Variants in MAPK10 observed in about 807,000 individuals in gnomAD.
MAPK10 encodes JNK3 alpha protein kinase.
A neutral mutation model predicts 59.3 loss-of-function variants in MAPK10; 25 were observed. That is an observed-to-expected ratio of 0.42 (90% CI 0.31 to 0.59). MAPK10 has a LOEUF of 0.59. Ranked by LOEUF, MAPK10 falls within the 20% of genes least tolerant of loss-of-function variation. The pLI, the probability that MAPK10 is intolerant of heterozygous loss-of-function variation, is 0.15. For missense variants in MAPK10, 351 were observed against 568.9 expected, an observed-to-expected ratio of 0.62 and a Z score of 3.90; for synonymous variants, 190 against 200.5, an observed-to-expected ratio of 0.95 and a Z score of 0.44.
At chr4:86,221,995 A>G (rs1275928583) in intron 2 of MAPK10, among the ~76,000 whole-genome samples, 1 of 151,930 alleles carries the variant, frequency 6.6e-6, no homozygotes, top group Admixed American at 6.6e-5. Context: ...CCTCCTTGAG[A>G]TCTGGTTCTT....
intron 2 of MAPK10, among the ~76,000 whole-genome samples, chr4:86,208,485 T>A (rs28826941): frequency 0.25 from 36,339 of 143,382 alleles, 7,056 homozygotes; most frequent in African/African-American, 0.54. Flanking sequence ...CCAAAGACAA[T>A]AACCACATGA....
chr4:86,536,385 C>G (rs1398539588), intron 1 of MAPK10, among the ~76,000 whole-genome samples: 1 of 152,162 alleles, frequency 6.6e-6, no homozygotes, highest in East Asian at 1.9e-4. Flanking sequence ...TATAACAGAA[C>G]AATCCTCCAC....
At chr4:86,143,690 G>A (rs1298914529) in intron 4 of MAPK10, among the ~76,000 whole-genome samples, 1 of 152,138 alleles carries the variant, frequency 6.6e-6, no homozygotes, top group African/African-American at 2.4e-5. Context: ...ACAGTATCTG[G>A]AACATATTAA....
intron 2 of MAPK10, among the ~76,000 whole-genome samples, chr4:86,316,339 C>T (rs1414823104): frequency 6.6e-6 from 1 of 151,896 alleles, no homozygotes; most frequent in East Asian, 1.9e-4. Context: ...TAAAATTGAC[C>T]AAACAACTTA....
intron 2 of MAPK10, among the ~76,000 whole-genome samples, chr4:86,252,156 T>G (rs1273008503): frequency 1.6e-5 from 2 of 125,590 alleles, no homozygotes; most frequent in Non-Finnish European, 3.1e-5. Context: ...TCTTTTGCTG[T>G]GCAGAAGTTC....
intron 1 of MAPK10, among the ~76,000 whole-genome samples, chr4:86,465,850 C>T (rs187367741): frequency 2.6e-5 from 4 of 152,208 alleles, no homozygotes; most frequent in Admixed American, 1.3e-4. Context: ...CAGCACCTGT[C>T]GAACACAGCC....
intron 4 of MAPK10, among the ~76,000 whole-genome samples, chr4:86,139,403 GA>G (rs1268857422): frequency 6.7e-6 from 1 of 150,306 alleles, no homozygotes; most frequent in Admixed American, 6.6e-5. Flanking sequence ...TCTGATCTTT[GA>G]CAAACCTGAG....
intron 11 of MAPK10, among the ~76,000 whole-genome samples, chr4:86,056,772 A>G (rs971758092): frequency 5.4e-5 from 8 of 149,480 alleles, no homozygotes; most frequent in Admixed American, 5.3e-4. Context: ...TAAAATATAA[A>G]TTAAATATTT....
At chr4:86,310,385 C>T (rs545894722) in intron 2 of MAPK10, among the ~76,000 whole-genome samples, 21 of 152,268 alleles carry the variant, frequency 1.4e-4, no homozygotes, top group African/African-American at 5.1e-4. Flanking sequence ...TTAGTAACAT[C>T]ATTCTAAGTG....
intron 3 of MAPK10, among the ~76,000 whole-genome samples, chr4:86,186,119 T>G (rs1433109272): frequency 6.6e-6 from 1 of 152,166 alleles, no homozygotes; most frequent in Non-Finnish European, 1.5e-5. Context: ...CTGCTCTCAG[T>G]GCTTTGCAAG....
intron 2 of MAPK10, among the ~76,000 whole-genome samples, chr4:86,209,123 A>T (rs2085054647): frequency 6.6e-6 from 1 of 152,108 alleles, no homozygotes; most frequent in African/African-American, 2.4e-5. Flanking sequence ...GATCGTGTTC[A>T]TTATATCTCA....
chr4:86,201,767 A>G (rs1469866268), intron 2 of MAPK10, among the ~76,000 whole-genome samples: 1 of 151,686 alleles, frequency 6.6e-6, no homozygotes, highest in Non-Finnish European at 1.5e-5. Flanking sequence ...CCCCAGGTTC[A>G]CAGAGATATT....
At chr4:86,040,324 C>T (rs2041254626) in intron 11 of MAPK10, among the ~76,000 whole-genome samples, 1 of 151,742 alleles carries the variant, frequency 6.6e-6, no homozygotes, top group South Asian at 2.1e-4. Flanking sequence ...AATTATTTTT[C>T]AAAGACAAAG....
chr4:86,497,700 G>C (rs1754976759), intron 1 of MAPK10, among the ~76,000 whole-genome samples: 1 of 152,112 alleles, frequency 6.6e-6, no homozygotes, highest in African/African-American at 2.4e-5. Context: ...AGAAAGCCCT[G>C]GTTTGTAGTT....
At chr4:86,476,318 G>C (rs1753085806) in intron 1 of MAPK10, among the ~76,000 whole-genome samples, 2 of 152,054 alleles carry the variant, frequency 1.3e-5, no homozygotes, top group Non-Finnish European at 2.9e-5. Context: ...CTTCCACCCA[G>C]TCCAGCTTAC....
chr4:86,256,089 C>T (rs554621807), intron 2 of MAPK10, among the ~76,000 whole-genome samples: 2 of 152,278 alleles, frequency 1.3e-5, no homozygotes, highest in Admixed American at 6.5e-5. Flanking sequence ...CATTTAGGAA[C>T]CTCATTTATA....
chr4:86,384,825 G>T (rs1242968266), intron 1 of MAPK10, among the ~76,000 whole-genome samples: 4 of 152,050 alleles, frequency 2.6e-5, no homozygotes, highest in Non-Finnish European at 5.9e-5. Flanking sequence ...AAATTAAGTA[G>T]TACACAGCTA....
At chr4:86,410,332 T>C (rs1286708281) in intron 1 of MAPK10, among the ~76,000 whole-genome samples, 1 of 152,244 alleles carries the variant, frequency 6.6e-6, no homozygotes, top group Non-Finnish European at 1.5e-5. Context: ...TTTGCATCAA[T>C]GTTCATCAGG....
chr4:86,436,578 A>G (rs1663262640), intron 1 of MAPK10, among the ~76,000 whole-genome samples: 2 of 152,134 alleles, frequency 1.3e-5, no homozygotes, highest in Non-Finnish European at 2.9e-5. Flanking sequence ...TGATGTGTAG[A>G]AATAAAATTT....
Sources: allele counts gnomAD v4.1 joint callset (sites outside exome capture counted in the v4.1 genomes callset), GRCh38; gene constraint gnomAD v4.1.1; transcripts MANE v1.5; gene names NCBI Gene and HGNC (gene_info 2026-07-23, HGNC 2026-07-21).